Variants in CWC27 observed in about 807,000 individuals in gnomAD.
CWC27 encodes spliceosome-associated protein CWC27 homolog.
Under a neutral mutation model 63.6 loss-of-function variants are expected in CWC27, and 47 were observed. The ratio of observed to expected loss-of-function variants is 0.74; its 90% CI spans 0.58 to 0.94. The LOEUF is 0.94. Among genes scored for constraint, CWC27 ranks in the 40% least tolerant of loss-of-function variants. The pLI is 0.00. For missense variants in CWC27, 495 were observed against 554.3 expected (o/e 0.89, Z 1.07); for synonymous variants, 175 against 179.8 (o/e 0.97, Z 0.22).
At chr5:64,858,176 C>G (rs906619988) in intron 10 of CWC27, among the ~76,000 whole-genome samples, 23 of 124,064 alleles carry the variant, frequency 1.9e-4, no homozygotes, top group African/African-American at 7.0e-4. Context: ...GAATAGGAAG[C>G]CGGCCGGGCG....
intron 10 of CWC27, among the ~76,000 whole-genome samples, chr5:64,871,011 A>G (rs1289516067): frequency 6.6e-6 from 1 of 152,080 alleles, no homozygotes; most frequent in Non-Finnish European, 1.5e-5. Flanking sequence ...GGGTACACAC[A>G]TTTAGCAATG....
chr5:64,840,387 AAAAAAAAAT>A (rs1480914522), intron 10 of CWC27, among the ~76,000 whole-genome samples: 6 of 52,926 alleles, frequency 1.1e-4, no homozygotes, highest in Non-Finnish European at 1.8e-4. Flanking sequence ...AAAAAAAAAA[AAAAAAAAAT>A]ATATATATAT....
intron 6 of CWC27, 100 bp from the exon 7 acceptor site, chr5:64,788,848 TTTC>T (rs909463098): frequency 4.1e-6 from 3 of 726,454 alleles, no homozygotes; most frequent in Admixed American, 2.8e-5. Context: ...TCAGAATGTA[TTTC>T]TTCTTGTAAA....
chr5:64,836,803 A>G (rs576376669), intron 10 of CWC27, among the ~76,000 whole-genome samples: 50 of 152,120 alleles, frequency 3.3e-4, no homozygotes, highest in Admixed American at 1.2e-3. Context: ...AGCCTTGGTT[A>G]CTTTTCAGTA....
intron 10 of CWC27, among the ~76,000 whole-genome samples, chr5:64,881,550 T>C (rs1449705594): frequency 6.6e-6 from 1 of 152,158 alleles, no homozygotes; most frequent in East Asian, 1.9e-4. Flanking sequence ...TAGCTACTGT[T>C]TGTTGAACAT....
At chr5:64,834,837 T>C (rs945311296) in intron 10 of CWC27, among the ~76,000 whole-genome samples, 5 of 151,792 alleles carry the variant, frequency 3.3e-5, no homozygotes, top group African/African-American at 1.2e-4. Flanking sequence ...GCAAGCTTTA[T>C]ATTTGGTGAA....
At chr5:64,923,105 A>G (rs1047776377) in intron 11 of CWC27, among the ~76,000 whole-genome samples, 3 of 152,162 alleles carry the variant, frequency 2.0e-5, no homozygotes, top group African/African-American at 7.2e-5. Context: ...GCAGGGGTGC[A>G]AATGTACTTC....
At chr5:64,977,283 C>T in intron 13 of CWC27, 45 bp downstream of exon 13, 1 of 1,324,810 alleles carries the variant, frequency 7.5e-7, no homozygotes, top group Non-Finnish European at 1.1e-6. Flanking sequence ...CAAATAGTCT[C>T]AGAGCAGAGA....
intron 11 of CWC27, among the ~76,000 whole-genome samples, chr5:64,892,200 G>A (rs1431491802): frequency 6.6e-6 from 1 of 152,154 alleles, no homozygotes; most frequent in Non-Finnish European, 1.5e-5. Context: ...CCTGGTGGTT[G>A]TAATTTCAAT....
chr5:64,782,256 T>A (rs1213854324), intron 3 of CWC27, among the ~76,000 whole-genome samples: 1 of 151,976 alleles, frequency 6.6e-6, no homozygotes, highest in Non-Finnish European at 1.5e-5. Flanking sequence ...GAGACCAGCC[T>A]GGCCAACATG....
chr5:64,879,389 G>C (rs1011084309), intron 10 of CWC27, among the ~76,000 whole-genome samples: 3 of 151,926 alleles, frequency 2.0e-5, no homozygotes, highest in African/African-American at 7.2e-5. Context: ...GGTGCATTAA[G>C]ACAGAGAGAA....
At chr5:65,012,640 A>C (rs1055879998) in intron 13 of CWC27, among the ~76,000 whole-genome samples, 9 of 152,202 alleles carry the variant, frequency 5.9e-5, no homozygotes, top group African/African-American at 2.2e-4. Flanking sequence ...AGTCTAGCTC[A>C]TTGCCTTTTC....
At chr5:64,942,408 C>T (rs1044294206) in intron 11 of CWC27, among the ~76,000 whole-genome samples, 5 of 130,798 alleles carry the variant, frequency 3.8e-5, no homozygotes, top group Non-Finnish European at 7.7e-5. Context: ...TGCACTCAAG[C>T]GTGGGTGACA....
chr5:64,781,214 A>T (rs887815775), intron 2 of CWC27, among the ~76,000 whole-genome samples: 2 of 152,172 alleles, frequency 1.3e-5, no homozygotes, highest in Admixed American at 6.5e-5. Context: ...TTTGAATTAC[A>T]TATAAATATT....
chr5:64,839,294 C>T (rs549916802), intron 10 of CWC27, among the ~76,000 whole-genome samples: 227 of 152,112 alleles, frequency 1.5e-3, no homozygotes, highest in African/African-American at 4.9e-3. Context: ...TTGTGATGGC[C>T]GTGTGAAGCA....
chr5:64,995,250 G>A (rs1749611466), intron 13 of CWC27, among the ~76,000 whole-genome samples: 1 of 152,106 alleles, frequency 6.6e-6, no homozygotes, highest in East Asian at 1.9e-4. Flanking sequence ...AGGATTACAG[G>A]TATGAGCCAC....
chr5:64,843,862 C>G (rs1745908565), intron 10 of CWC27, among the ~76,000 whole-genome samples: 2 of 152,026 alleles, frequency 1.3e-5, no homozygotes, highest in South Asian at 4.1e-4. Flanking sequence ...GTGACATCAG[C>G]AAAATAACAG....
chr5:64,890,663 G>T (rs1747211922), intron 11 of CWC27, among the ~76,000 whole-genome samples: 1 of 151,822 alleles, frequency 6.6e-6, no homozygotes, highest in Non-Finnish European at 1.5e-5. Context: ...ATTTGCACTT[G>T]ACTCATTGGA....
intron 11 of CWC27, among the ~76,000 whole-genome samples, chr5:64,953,600 C>T (rs1050611719): frequency 2.0e-5 from 3 of 151,882 alleles, no homozygotes; most frequent in Non-Finnish European, 4.4e-5. Context: ...GACTAATTCA[C>T]TTTATGGAAC....
Sources: gnomAD v4.1 joint callset for allele counts (sites outside exome capture counted in the v4.1 genomes callset) on GRCh38, gnomAD v4.1.1 for gene constraint, MANE v1.5 for transcripts, NCBI Gene and HGNC (gene_info 2026-07-23, HGNC 2026-07-21) for gene names.